The following SMAD4 variants were observed in gnomAD, a reference collection of about 807,000 sequenced individuals.
SMAD4 encodes the protein MAD homolog 4.
In SMAD4, 7 loss-of-function variants were observed where a neutral mutation model predicts 63.2. That is an observed-to-expected ratio of 0.11 (90% CI 0.06 to 0.21). The LOEUF is 0.21. Among genes scored for constraint, SMAD4 ranks in the 10% least tolerant of loss-of-function variants. The pLI is 1.00. For missense variants in SMAD4, 312 were observed against 693.8 expected (o/e 0.45, Z 6.18); for synonymous variants, 215 against 235.4 (o/e 0.91, Z 0.79).
chr18:51,075,369 G>C (rs181027632), intron 10 of SMAD4, among the ~76,000 whole-genome samples: 7 of 152,200 alleles, frequency 4.6e-5, no homozygotes, highest in Admixed American at 2.6e-4. Context: ...TTATTTTCAA[G>C]ATTATTTATG....
chr18:51,071,134 C>T (rs1227547279), intron 10 of SMAD4, among the ~76,000 whole-genome samples: 2 of 151,954 alleles, frequency 1.3e-5, no homozygotes, highest in African/African-American at 4.8e-5. Flanking sequence ...TTTTGGGTAG[C>T]AGTAACTAAG....
At chr18:51,038,256 G>GT (rs889634702) in intron 1 of SMAD4, among the ~76,000 whole-genome samples, 4 of 150,492 alleles carry the variant, frequency 2.7e-5, no homozygotes, top group Admixed American at 2.6e-4. Context: ...GACTGTGGGG[G>GT]GGGGGGCAGT....
chr18:51,040,832 T>C (rs1909358096), intron 1 of SMAD4, among the ~76,000 whole-genome samples: 1 of 152,262 alleles, frequency 6.6e-6, no homozygotes, highest in Non-Finnish European at 1.5e-5. Flanking sequence ...CTTGACTGCA[T>C]CTAATACCTG....
chr18:51,065,342 G>T, intron 8 of SMAD4, 81 bp from the exon 9 acceptor site: 1 of 1,185,356 alleles, frequency 8.4e-7, no homozygotes, highest in Non-Finnish European at 1.3e-6. Context: ...TTTCTTTTAG[G>T]AAAAACTGTG....
At chr18:51,066,868 AG>A (rs1910172364) in intron 9 of SMAD4, 150 bp from the exon 10 acceptor site, 23 of 643,032 alleles carry the variant, frequency 3.6e-5, no homozygotes, top group Middle Eastern at 4.2e-4. Flanking sequence ...AAAAGAAAAA[AG>A]GAAATATACA....
At chr18:51,072,260 A>G (rs1399831045) in intron 10 of SMAD4, among the ~76,000 whole-genome samples, 2 of 152,168 alleles carry the variant, frequency 1.3e-5, no homozygotes, top group African/African-American at 4.8e-5. Flanking sequence ...AGTACTTGTT[A>G]TCTGTCTTTT....
chr18:51,075,934 C>T (rs1189263294), intron 10 of SMAD4, among the ~76,000 whole-genome samples: 2 of 152,064 alleles, frequency 1.3e-5, no homozygotes, highest in African/African-American at 2.4e-5. Flanking sequence ...TAGCAGGTAT[C>T]GGTGATGGGA....
At position 51,080,147 on chromosome 18, in the gene SMAD4, C is replaced by G. The variant is rs921308477; in HGVS notation, c.*1680C>G. 8.6e-6 allele frequency: 2 copies of G among 232,492 alleles called. No individual in the cohort carries two copies. The highest frequency in any genetic ancestry group is 1.7e-5 in the Non-Finnish European group (2 of 117,722). The allele number at this position is 232,492 out of a possible 1,614,324, so 14.4% of individuals were successfully genotyped here. A position where few individuals can be genotyped will look rare whatever the true frequency, so the allele number is the denominator to read the frequency against. On this transcript the variant is annotated 3_prime_UTR_variant, in exon 12 of 12. Transcript: ENST00000342988. ...GAAACACTTGTGTGATGATAGTCCTCCTTATATCACCTGGAATGAACACAG... is the reference window on the plus strand; with the variant it reads ...GAAACACTTGTGTGATGATAGTCCTGCTTATATCACCTGGAATGAACACAG...
At chr18:51,055,577 T>C (rs1909823122) in intron 5 of SMAD4, among the ~76,000 whole-genome samples, 1 of 151,948 alleles carries the variant, frequency 6.6e-6, no homozygotes, top group African/African-American at 2.4e-5. Context: ...TGCCATGTCA[T>C]AGGAGGGAGA....
At chr18:51,032,766 G>A (rs1909088934) in intron 1 of SMAD4, among the ~76,000 whole-genome samples, 2 of 151,992 alleles carry the variant, frequency 1.3e-5, no homozygotes, top group Admixed American at 6.6e-5. Flanking sequence ...CCTCTGCTAG[G>A]GAGGTTAACC....
At chr18:51,074,332 T>G (rs909134545) in intron 10 of SMAD4, among the ~76,000 whole-genome samples, 2 of 151,476 alleles carry the variant, frequency 1.3e-5, no homozygotes, top group Admixed American at 1.3e-4. Flanking sequence ...TTGGGCAACA[T>G]AGCAAGACCC....
chr18:51,038,458 C>T (rs1909276480), intron 1 of SMAD4, among the ~76,000 whole-genome samples: 2 of 152,180 alleles, frequency 1.3e-5, no homozygotes, highest in South Asian at 2.1e-4. Context: ...TTGCAACTAA[C>T]CTTTCAGAAT....
At chr18:51,035,998 A>AT (rs2144378510) in intron 1 of SMAD4, among the ~76,000 whole-genome samples, 1 of 152,032 alleles carries the variant, frequency 6.6e-6, no homozygotes, top group African/African-American at 2.4e-5. Context: ...TTATTTATCT[A>AT]TTTTTTAGAG....
chr18:51,061,076 T>G (rs1909998906), intron 8 of SMAD4, among the ~76,000 whole-genome samples: 1 of 151,980 alleles, frequency 6.6e-6, no homozygotes, highest in African/African-American at 2.4e-5. Context: ...ATGATTTTAT[T>G]TTTGATCTTT....
At chr18:51,033,961 A>G (rs1307020719) in intron 1 of SMAD4, among the ~76,000 whole-genome samples, 1 of 152,192 alleles carries the variant, frequency 6.6e-6, no homozygotes, top group African/African-American at 2.4e-5. Context: ...TGCTACTGCA[A>G]ATTATATTAT....
At position 51,081,222 on chromosome 18, in the gene SMAD4, G is replaced by A. The variant is rs1479480248; in HGVS notation, c.*2755G>A. The A allele has an allele frequency of 4.5e-6, 1 of 224,042 alleles. No homozygotes were observed. Among genetic ancestry groups the A allele is most frequent in the Non-Finnish European group, 8.9e-6 (1 of 112,556 alleles). 13.9% of individuals were successfully genotyped at this position (224,042 alleles called of 1,614,324 possible). On this transcript the variant is annotated 3_prime_UTR_variant, in exon 12 of 12. Transcript: ENST00000342988. Reference sequence around the variant, plus strand: ...TATGGTTCTGGGTGGGTTTTCTCTAGCTAATTCATATCTCAAAGAGTCTCA... The same window carrying A: ...TATGGTTCTGGGTGGGTTTTCTCTAACTAATTCATATCTCAAAGAGTCTCA...
At chr18:51,051,276 T>C (rs892967474) in intron 4 of SMAD4, 6 of 440,050 alleles carry the variant, frequency 1.4e-5, no homozygotes, top group African/African-American at 4.1e-5. Flanking sequence ...CTATAGTGAC[T>C]GTAGGGCTGT....
In SMAD4 at chr18:51,058,476, G is replaced by A. The variant is rs769081404; in HGVS notation, c.904+20G>A. ...ATTACTGTAAGCTCTTGTTTTTGTTGTAAGGGCTATTTTTTTTTTTTTTTT... is the reference window on the plus strand; with the variant it reads ...ATTACTGTAAGCTCTTGTTTTTGTTATAAGGGCTATTTTTTTTTTTTTTTT... On this transcript the variant is annotated intron_variant, in intron 7 of 11. Transcript: ENST00000342988. 7.1e-7 allele frequency: 1 copy of A among 1,415,922 alleles called. No homozygotes were observed. The highest frequency in any genetic ancestry group is 9.8e-7 in the Non-Finnish European group (1 of 1,017,854). 87.7% of individuals were successfully genotyped at this position (1,415,922 alleles called of 1,614,324 possible). A position where few individuals can be genotyped will look rare whatever the true frequency, so the allele number is the denominator to read the frequency against.
At chr18:51,055,100 A>G (rs1418244060) in intron 5 of SMAD4, 107 bp downstream of exon 5, 1 of 831,996 alleles carries the variant, frequency 1.2e-6, no homozygotes, top group Non-Finnish European at 2.1e-6. Flanking sequence ...CATTAAAAGT[A>G]ACTGTAGTAT....
Sources: gnomAD v4.1 joint callset for allele counts (sites outside exome capture counted in the v4.1 genomes callset) on GRCh38, gnomAD v4.1.1 for gene constraint, MANE v1.5 for transcripts, NCBI Gene and HGNC (gene_info 2026-07-23, HGNC 2026-07-21) for gene names.